The following EPM2A variants were observed in gnomAD, a reference collection of about 807,000 sequenced individuals.
EPM2A encodes the protein laforin.
Under a neutral mutation model 26.5 loss-of-function variants are expected in EPM2A, and 21 were observed. That is an observed-to-expected ratio of 0.79 (90% CI 0.56 to 1.14). The LOEUF is 1.14. Among genes scored for constraint, EPM2A ranks in the 50% most tolerant of loss-of-function variants. The pLI, the probability that EPM2A is intolerant of heterozygous loss-of-function variation, is 0.00. For missense variants in EPM2A, 458 were observed against 440.8 expected (o/e 1.04, Z -0.35); for synonymous variants, 217 against 177.6 (o/e 1.22, Z -1.76).
chr6:145,433,609 A>G (rs1005072392), intron 4 of EPM2A, among the ~76,000 whole-genome samples: 3 of 152,164 alleles, frequency 2.0e-5, no homozygotes, highest in Admixed American at 6.5e-5. Flanking sequence ...TTTAAACCTC[A>G]TAATACATTA....
chr6:145,421,421 T>A (rs1489202589), intron 4 of EPM2A, among the ~76,000 whole-genome samples: 2 of 152,122 alleles, frequency 1.3e-5, no homozygotes, highest in Admixed American at 6.6e-5. Context: ...CATTTGTGTA[T>A]CTTTGTAAAG....
At chr6:145,730,559 C>G (rs1329527754) in intron 1 of EPM2A, among the ~76,000 whole-genome samples, 2 of 152,134 alleles carry the variant, frequency 1.3e-5, no homozygotes, top group Middle Eastern at 3.2e-3. Context: ...GAAAATAAAG[C>G]CAAGACCTGA....
At chr6:145,489,871 T>C in intron 4 of EPM2A, 1 of 1,410,468 alleles carries the variant, frequency 7.1e-7, no homozygotes, top group Non-Finnish European at 1.0e-6. Flanking sequence ...CCATTCAAAG[T>C]GAAGCTTCTC....
chr6:145,569,208 A>C (rs1245339777), intron 2 of EPM2A, among the ~76,000 whole-genome samples: 1 of 152,208 alleles, frequency 6.6e-6, no homozygotes, highest in East Asian at 1.9e-4. Context: ...GGTATATCAA[A>C]AGCCCTTGTT....
intron 2 of EPM2A, among the ~76,000 whole-genome samples, chr6:145,614,569 T>C (rs115648176): frequency 7.5e-4 from 115 of 152,340 alleles, no homozygotes; most frequent in African/African-American, 2.7e-3. Context: ...CAACTCTTCA[T>C]CTCACTTGAG....
intron 4 of EPM2A, among the ~76,000 whole-genome samples, chr6:145,444,729 C>A (rs558845068): frequency 2.0e-5 from 3 of 152,092 alleles, no homozygotes; most frequent in Non-Finnish European, 4.4e-5. Flanking sequence ...TGCATTAGCA[C>A]GCTATCTTAT....
intron 4 of EPM2A, among the ~76,000 whole-genome samples, chr6:145,473,680 T>A (rs1363767433): frequency 6.6e-6 from 1 of 151,868 alleles, no homozygotes; most frequent in Non-Finnish European, 1.5e-5. Flanking sequence ...AAGAAACAAA[T>A]AATATATAAT....
chr6:145,704,514 T>G (rs1241679762), intron 1 of EPM2A, among the ~76,000 whole-genome samples: 4 of 152,216 alleles, frequency 2.6e-5, no homozygotes, highest in Non-Finnish European at 5.9e-5. Flanking sequence ...AAAAATCCAG[T>G]GGGACAGATA....
intron 4 of EPM2A, among the ~76,000 whole-genome samples, chr6:145,458,597 G>A (rs1779291444): frequency 6.6e-6 from 1 of 152,140 alleles, no homozygotes; most frequent in Non-Finnish European, 1.5e-5. Flanking sequence ...CAGAGCAGGG[G>A]ATAGATACAT....
chr6:145,559,315 C>A (rs145837071), intron 2 of EPM2A, among the ~76,000 whole-genome samples: 11 of 152,190 alleles, frequency 7.2e-5, no homozygotes, highest in African/African-American at 2.6e-4. Context: ...TCCTGGAAAG[C>A]CAATAATCAA....
At chr6:145,440,159 C>G (rs1779043782) in intron 4 of EPM2A, among the ~76,000 whole-genome samples, 1 of 152,174 alleles carries the variant, frequency 6.6e-6, no homozygotes, top group Non-Finnish European at 1.5e-5. Context: ...CTCCACATGG[C>G]TGGGAAGCCT....
chr6:145,734,264 A>G (rs913016709), intron 1 of EPM2A, among the ~76,000 whole-genome samples: 9 of 152,238 alleles, frequency 5.9e-5, no homozygotes, highest in African/African-American at 2.2e-4. Flanking sequence ...CATGTAAAAT[A>G]CATATCTACG....
intron 4 of EPM2A, among the ~76,000 whole-genome samples, chr6:145,428,947 G>A (rs903325637): frequency 2.0e-5 from 3 of 152,244 alleles, no homozygotes; most frequent in African/African-American, 7.2e-5. Flanking sequence ...ACAGAGCACC[G>A]TTTCTTTAAA....
At chr6:145,391,171 C>T (rs1043474106) in intron 4 of EPM2A, among the ~76,000 whole-genome samples, 1 of 152,116 alleles carries the variant, frequency 6.6e-6, no homozygotes, top group Non-Finnish European at 1.5e-5. Context: ...ACCTGTTATA[C>T]CACTTTCTTG....
chr6:145,684,191 A>C (rs965233750), intron 2 of EPM2A, among the ~76,000 whole-genome samples: 4 of 152,150 alleles, frequency 2.6e-5, no homozygotes, highest in Admixed American at 6.6e-5. Context: ...GAATTGGAAA[A>C]AAAGAAGCCT....
At chr6:145,653,439 A>G (rs747132873) in intron 2 of EPM2A, among the ~76,000 whole-genome samples, 2 of 152,188 alleles carry the variant, frequency 1.3e-5, no homozygotes, top group African/African-American at 2.4e-5. Flanking sequence ...CTGTGAGTCA[A>G]TTAAACCTTT....
chr6:145,622,573 TG>T (rs1775659855), downstream of EPM2A, among the ~76,000 whole-genome samples: 1 of 152,192 alleles, frequency 6.6e-6, no homozygotes, highest in Middle Eastern at 3.4e-3. Context: ...CTTGTAGAAA[TG>T]GGAAATTTAG....
intron 2 of EPM2A, among the ~76,000 whole-genome samples, chr6:145,568,544 AACT>A (rs1780914659): frequency 6.6e-6 from 1 of 152,064 alleles, no homozygotes; most frequent in South Asian, 2.1e-4. Flanking sequence ...GCTGGTCTCG[AACT>A]CCCGACCTCA....
intron 4 of EPM2A, among the ~76,000 whole-genome samples, chr6:145,468,690 A>G (rs573348448): frequency 6.6e-6 from 1 of 152,206 alleles, no homozygotes; most frequent in Non-Finnish European, 1.5e-5. Context: ...AAAATAAAAC[A>G]TTGGGGAACC....
Sources: allele counts gnomAD v4.1 joint callset (sites outside exome capture counted in the v4.1 genomes callset), GRCh38; gene constraint gnomAD v4.1.1; transcripts MANE v1.5; gene names NCBI Gene and HGNC (gene_info 2026-07-23, HGNC 2026-07-21).